PXDC1: variants seen among roughly 807,000 people sequenced by gnomAD.
PXDC1 encodes the protein PX domain containing 1, also known as PX domain-containing protein 1.
In PXDC1, 13 loss-of-function variants were observed where a neutral mutation model predicts 24.4. The observed-to-expected ratio is 0.53, with a 90% CI of 0.35 to 0.85. PXDC1 has a LOEUF of 0.85. PXDC1 is among the 40% of genes least tolerant of loss of function. PXDC1 has a pLI of 0.01. For synonymous variants in PXDC1, 162 were observed against 124.9 expected (o/e 1.30, Z -1.98); for missense variants, 344 against 309.3 (o/e 1.11, Z -0.84).
rs964519891 is a variant in PXDC1 at position 3,722,621 on chromosome 6, G to A, written c.*998C>T. 6.6e-6 allele frequency: 1 copy of A among 152,644 alleles called. No homozygotes were observed. The highest frequency in any genetic ancestry group is 2.4e-5 in the African/African-American group (1 of 41,458). 9.5% of individuals were successfully genotyped at this position (152,644 alleles called of 1,614,324 possible). A position where few individuals can be genotyped will look rare whatever the true frequency, so the allele number is the denominator to read the frequency against. ...CAAACATCCTGGACAGATCAAAGTAGAGTCATAGATTTTATTTAATTAAAA... is the reference window on the plus strand; with the variant it reads ...CAAACATCCTGGACAGATCAAAGTAAAGTCATAGATTTTATTTAATTAAAA... On this transcript the variant is annotated 3_prime_UTR_variant, in exon 5 of 5. Coordinates refer to ENST00000380283, the MANE Select transcript of PXDC1 (RefSeq NM_183373.4).
intron 3 of PXDC1, among the ~76,000 whole-genome samples, chr6:3,730,502 C>T (rs901451778): frequency 1.3e-5 from 2 of 151,534 alleles, no homozygotes; most frequent in Non-Finnish European, 2.9e-5. Context: ...GAAATTAGAA[C>T]ACGTCCACAG....
rs985350968 is a variant in PXDC1 at position 3,749,375 on chromosome 6, G to A, written c.256+1901C>T. Among the ~76,000 whole-genome samples, 4 of 151,308 alleles carry A rather than the reference G, an allele frequency of 2.6e-5. 1 individual carries two copies. The highest frequency in any genetic ancestry group is 2.0e-4 in the Admixed American group (3 of 15,108). On this transcript the variant is annotated intron_variant, in intron 1 of 4. Transcript: ENST00000380283. ...TCTGTTCCCCTTGAGGTACTTGGAGGTAGCTATCATATCCCTTCTGAGCCT... is the reference window on the plus strand; with the variant it reads ...TCTGTTCCCCTTGAGGTACTTGGAGATAGCTATCATATCCCTTCTGAGCCT...
intron 1 of PXDC1, among the ~76,000 whole-genome samples, chr6:3,741,411 G>A (rs1031281174): frequency 3.9e-5 from 6 of 152,108 alleles, no homozygotes; most frequent in African/African-American, 9.7e-5. Flanking sequence ...CAGAAATGAC[G>A]GTGCTTATTT....
At chr6:3,723,817 C>T in intron 4 of PXDC1, 81 bp from the exon 5 acceptor site, 2 of 1,052,218 alleles carry the variant, frequency 1.9e-6, no homozygotes, top group Non-Finnish European at 3.0e-6. Flanking sequence ...ATGAGCATGA[C>T]TTTCAATGCC....
chr6:3,743,568 T>G (rs535820201), intron 1 of PXDC1, among the ~76,000 whole-genome samples: 1 of 152,284 alleles, frequency 6.6e-6, no homozygotes, highest in African/African-American at 2.4e-5. Flanking sequence ...CTTTAAAACT[T>G]CCTAAGTACC....
Position 3,725,915 on chromosome 6 carries a change from C to G in PXDC1, c.578+1636G>C, listed in dbSNP as rs887306659. On this transcript the variant is annotated intron_variant, in intron 4 of 4. Transcript: ENST00000380283. The surrounding 1 kb of genome is among the most constrained non-coding windows in gnomAD (Gnocchi z 4.8). ...GTCATGGAGATTTTCTCGGCCCTCT[C>G]TGTGAGCCAGGCATCCCGGAGCAGG... Among the ~76,000 whole-genome samples, 31 of 152,194 alleles carry G rather than the reference C, an allele frequency of 2.0e-4. No individual in the cohort carries two copies. Among genetic ancestry groups the G allele is most frequent in the African/African-American group, 7.0e-4 (29 of 41,440 alleles).
chr6:3,748,669 A>G (rs1049496147), intron 1 of PXDC1, among the ~76,000 whole-genome samples: 3 of 152,214 alleles, frequency 2.0e-5, no homozygotes, highest in Admixed American at 1.3e-4. Context: ...TCAAAGCTGC[A>G]AGTGGGGCCA....
chr6:3,736,132 T>TC (rs901303577), intron 3 of PXDC1, among the ~76,000 whole-genome samples: 1 of 152,092 alleles, frequency 6.6e-6, no homozygotes, highest in African/African-American at 2.4e-5. Context: ...CAGTCACCCA[T>TC]CCCCACTGTC....
At chr6:3,750,629 G>A (rs1452804178) in intron 1 of PXDC1, among the ~76,000 whole-genome samples, 5 of 152,250 alleles carry the variant, frequency 3.3e-5, no homozygotes, top group Non-Finnish European at 7.3e-5. Context: ...GGACGGTCAC[G>A]AGGCCGGGGA....
Position 3,724,972 on chromosome 6 carries a change from G to A in PXDC1, c.579-1236C>T, listed in dbSNP as rs1365035045. 2.0e-5 allele frequency among the ~76,000 whole-genome samples: 3 copies of A among 152,104 alleles called. No individual in the cohort carries two copies. Among genetic ancestry groups the A allele is most frequent in the East Asian group, 1.9e-4 (1 of 5,178 alleles). ...GGAGTGTGGTGTCAGCCCCCGCCTCGGCTTCCCTATGCTCACGGTCCTGGC... is the reference window on the plus strand; with the variant it reads ...GGAGTGTGGTGTCAGCCCCCGCCTCAGCTTCCCTATGCTCACGGTCCTGGC... On this transcript the variant is annotated intron_variant, in intron 4 of 4. Transcript: ENST00000380283. The surrounding 1 kb of genome is among the most constrained non-coding windows in gnomAD (Gnocchi z 4.5).
chr6:3,749,938 TA>T (rs1760660681), intron 1 of PXDC1, among the ~76,000 whole-genome samples: 1 of 152,228 alleles, frequency 6.6e-6, no homozygotes, highest in South Asian at 2.1e-4. Flanking sequence ...ATTGATTTGT[TA>T]AATTTAAAAT....
At chr6:3,745,902 G>T (rs1427883539) in intron 1 of PXDC1, among the ~76,000 whole-genome samples, 2 of 152,208 alleles carry the variant, frequency 1.3e-5, no homozygotes, top group African/African-American at 4.8e-5. Flanking sequence ...ACCCTTGCAG[G>T]TGTAAGTTGG....
In PXDC1 at chr6:3,728,935, C is replaced by T. The variant is rs776093391; in HGVS notation, c.467-1273G>A. Among the ~76,000 whole-genome samples the T allele has an allele frequency of 2.6e-5, 4 of 152,114 alleles. No individual in the cohort carries two copies. The highest frequency in any genetic ancestry group is 1.9e-4 in the East Asian group (1 of 5,190). On this transcript the variant is annotated intron_variant, in intron 3 of 4. Transcript: ENST00000380283. This position sits in a 1 kb window ranked among gnomAD's most constrained non-coding sequence, Gnocchi z 4.0. ...CCAGGACCACCTTCATCTGTTCTTT[C>T]GACTCAGAACCTCTATGCACCCCAT...
intron 1 of PXDC1, among the ~76,000 whole-genome samples, chr6:3,749,281 C>CCAGCCGCT: frequency 6.6e-6 from 1 of 151,504 alleles, no homozygotes; most frequent in African/African-American, 2.4e-5. Context: ...TCCTTTACAC[C>CCAGCCGCT]CAGCCGCTGG....
intron 1 of PXDC1, chr6:3,738,882 C>T (rs753188451): frequency 3.4e-5 from 44 of 1,302,888 alleles, no homozygotes; most frequent in African/African-American, 9.1e-5. Flanking sequence ...AGGTTCTATC[C>T]GTCGGCTTTG....
At chr6:3,733,436 G>A (rs1259903358) in intron 3 of PXDC1, among the ~76,000 whole-genome samples, 2 of 152,214 alleles carry the variant, frequency 1.3e-5, no homozygotes, top group Non-Finnish European at 2.9e-5. Context: ...GCCATGGTGT[G>A]CGTGGGTGTA....
chr6:3,732,160 C>G (rs1760213920), intron 3 of PXDC1, among the ~76,000 whole-genome samples: 1 of 152,236 alleles, frequency 6.6e-6, no homozygotes, highest in Non-Finnish European at 1.5e-5. Flanking sequence ...TTAGATGCAG[C>G]TATGTTTTCA....
intron 1 of PXDC1, chr6:3,739,268 C>G (rs962452015): frequency 9.1e-6 from 4 of 437,374 alleles, no homozygotes; most frequent in African/African-American, 8.4e-5. Flanking sequence ...AGACATAGGT[C>G]AAAGGCACTT....
At position 3,725,021 on chromosome 6, in the gene PXDC1, G is replaced by A. The variant is rs577773623; in HGVS notation, c.579-1285C>T. 4.1e-4 allele frequency among the ~76,000 whole-genome samples: 62 copies of A among 152,254 alleles called. 1 individual carries two copies. Among genetic ancestry groups the A allele is most frequent in the African/African-American group, 1.2e-3 (48 of 41,552 alleles). Reference sequence around the variant, plus strand: ...GCAACACGAGGCTGGGACAGAGGCCGCGGCACAAAGAGCCCTAGCTGTGGG... The same window carrying A: ...GCAACACGAGGCTGGGACAGAGGCCACGGCACAAAGAGCCCTAGCTGTGGG... On this transcript the variant is annotated intron_variant, in intron 4 of 4. Transcript: ENST00000380283. The surrounding 1 kb of genome is among the most constrained non-coding windows in gnomAD (Gnocchi z 4.8).
Sources: allele counts gnomAD v4.1 joint callset (sites outside exome capture counted in the v4.1 genomes callset), GRCh38; gene constraint gnomAD v4.1.1; non-coding constraint Gnocchi (gnomAD v3.1); transcripts MANE v1.5; gene names NCBI Gene and HGNC (gene_info 2026-07-23, HGNC 2026-07-21).